The following GNAO1 variants were observed in gnomAD, a reference collection of about 807,000 sequenced individuals.
GNAO1 encodes G protein subunit alpha o1, also known as guanine nucleotide-binding protein G(o) subunit alpha.
For synonymous variants in GNAO1, 164 were observed against 180.7 expected, an observed-to-expected ratio of 0.91 and a Z score of 0.74; for missense variants, 166 against 478.7, an observed-to-expected ratio of 0.35 and a Z score of 6.10.
chr16:56,329,995 T>A (rs1357090015), intron 4 of GNAO1, among the ~76,000 whole-genome samples: 2 of 152,168 alleles, frequency 1.3e-5, no homozygotes, highest in African/African-American at 4.8e-5. Context: ...GCAATGCCAA[T>A]GGACAGAGGC....
intron 3 of GNAO1, chr16:56,301,276 A>T (rs1466217517): frequency 1.3e-5 from 2 of 152,284 alleles, no homozygotes; most frequent in East Asian, 3.8e-4. Context: ...CAAGAATACC[A>T]GTGGACCGTG....
chr16:56,309,935 G>T (rs2037437640), intron 3 of GNAO1, among the ~76,000 whole-genome samples: 1 of 152,186 alleles, frequency 6.6e-6, no homozygotes, highest in Non-Finnish European at 1.5e-5. Context: ...ATAAAAGCTA[G>T]CATATTAAAT....
intron 3 of GNAO1, among the ~76,000 whole-genome samples, chr16:56,296,823 T>C (rs1309551495): frequency 6.6e-6 from 1 of 152,174 alleles, no homozygotes; most frequent in Admixed American, 6.5e-5. Context: ...GAATCTGAGT[T>C]GTTTCTGGAG....
At chr16:56,349,764 G>T (rs1048103741) in intron 6 of GNAO1, among the ~76,000 whole-genome samples, 1 of 152,140 alleles carries the variant, frequency 6.6e-6, no homozygotes. Context: ...GCTGCCCTCC[G>T]CCGACCAACT....
chr16:56,234,995 GTCTT>G, intron 2 of GNAO1: 1 of 252,788 alleles, frequency 4.0e-6, no homozygotes, highest in Non-Finnish European at 7.8e-6. Context: ...TGCTGTTTAT[GTCTT>G]TCTTACCCCA....
At chr16:56,348,633 C>T (rs1245825436) in intron 6 of GNAO1, among the ~76,000 whole-genome samples, 3 of 152,188 alleles carry the variant, frequency 2.0e-5, no homozygotes, top group Non-Finnish European at 2.9e-5. Flanking sequence ...GAATGTACCC[C>T]GGCGTCTGCT....
intron 3 of GNAO1, among the ~76,000 whole-genome samples, chr16:56,287,952 C>T (rs1192890858): frequency 6.6e-6 from 1 of 152,166 alleles, no homozygotes; most frequent in Non-Finnish European, 1.5e-5. Flanking sequence ...GACCGTGCAC[C>T]AGTGTCCAGT....
chr16:56,249,248 G>C (rs2036777036), intron 2 of GNAO1, among the ~76,000 whole-genome samples: 1 of 152,166 alleles, frequency 6.6e-6, no homozygotes, highest in African/African-American at 2.4e-5. Context: ...TGGAATGGGG[G>C]GGAACAAGTT....
chr16:56,199,322 T>C (rs774374025), intron 2 of GNAO1, among the ~76,000 whole-genome samples: 4 of 152,222 alleles, frequency 2.6e-5, no homozygotes, highest in Non-Finnish European at 5.9e-5. Flanking sequence ...CATGCAGACA[T>C]GGTTCTTAAA....
chr16:56,335,849 G>A (rs1455106542), intron 5 of GNAO1, among the ~76,000 whole-genome samples: 7 of 152,218 alleles, frequency 4.6e-5, no homozygotes, highest in Non-Finnish European at 8.8e-5. Flanking sequence ...AGATGGGGAG[G>A]TGGGATCCAG....
At chr16:56,289,863 A>C (rs972517276) in intron 3 of GNAO1, among the ~76,000 whole-genome samples, 3 of 152,196 alleles carry the variant, frequency 2.0e-5, no homozygotes, top group Non-Finnish European at 4.4e-5. Flanking sequence ...TCCCTGCCCC[A>C]GTCCCCCAAA....
At chr16:56,345,003 G>T (rs1188645897) in intron 6 of GNAO1, 3 of 985,168 alleles carry the variant, frequency 3.0e-6, no homozygotes, top group Non-Finnish European at 3.6e-6. Context: ...GACAGCAGGG[G>T]GATGGAGCTG....
chr16:56,270,444 A>G (rs2037005407), intron 2 of GNAO1: 1 of 152,070 alleles, frequency 6.6e-6, no homozygotes, highest in South Asian at 2.1e-4. Context: ...ACACACACAC[A>G]CATAACACAC....
chr16:56,288,350 T>C (rs113065447), intron 3 of GNAO1, among the ~76,000 whole-genome samples: 27 of 152,310 alleles, frequency 1.8e-4, no homozygotes, highest in African/African-American at 5.1e-4. Context: ...ACGGGGTATC[T>C]GACAAAGAGC....
At chr16:56,317,348 G>A (rs1282550151) in intron 3 of GNAO1, among the ~76,000 whole-genome samples, 1 of 152,196 alleles carries the variant, frequency 6.6e-6, no homozygotes, top group African/African-American at 2.4e-5. Flanking sequence ...CCACCCCGAT[G>A]TGTTCAAGGC....
At position 56,233,717 on chromosome 16, in the gene GNAO1, A is replaced by G. The variant is rs190945321; in HGVS notation, c.161+41101A>G. 1.8e-3 allele frequency among the ~76,000 whole-genome samples: 281 copies of G among 152,328 alleles called. 1 individual carries two copies. Among genetic ancestry groups the G allele is most frequent in the Non-Finnish European group, 3.3e-3 (224 of 68,036 alleles). ...CCACCATTTACCCTTGGAGCCTCCCAGCGAAGATGCTGCCCATGGAGCTGC... is the reference window on the plus strand; with the variant it reads ...CCACCATTTACCCTTGGAGCCTCCCGGCGAAGATGCTGCCCATGGAGCTGC... On this transcript the variant is annotated intron_variant, in intron 2 of 8. Coordinates refer to ENST00000262493, the MANE Select transcript of GNAO1 (RefSeq NM_020988.3).
At chr16:56,316,484 T>A (rs1399352838) in intron 3 of GNAO1, among the ~76,000 whole-genome samples, 2 of 152,206 alleles carry the variant, frequency 1.3e-5, no homozygotes, top group Non-Finnish European at 2.9e-5. Context: ...ATGACCCCAC[T>A]GCTGTCCTCA....
At chr16:56,352,664 C>T (rs1404395884) in intron 7 of GNAO1, 2 of 152,356 alleles carry the variant, frequency 1.3e-5, no homozygotes, top group Non-Finnish European at 2.9e-5. Flanking sequence ...CTGGTCTCCC[C>T]ACCCTTCCCC....
chr16:56,231,755 G>GTCAGTGAAT (rs2036590359), intron 2 of GNAO1, among the ~76,000 whole-genome samples: 1 of 152,212 alleles, frequency 6.6e-6, no homozygotes, highest in Non-Finnish European at 1.5e-5. Context: ...CTAGGCACTG[G>GTCAGTGAAT]CACCTGAAGT....
Sources: gnomAD v4.1 joint callset for allele counts (sites outside exome capture counted in the v4.1 genomes callset) on GRCh38, gnomAD v4.1.1 for gene constraint, MANE v1.5 for transcripts, NCBI Gene and HGNC (gene_info 2026-07-23, HGNC 2026-07-21) for gene names.